Variants in RPTOR observed in about 807,000 individuals in gnomAD.
The protein encoded by RPTOR is regulatory-associated protein of mTOR.
Under a neutral mutation model 169.9 loss-of-function variants are expected in RPTOR, and 21 were observed. The ratio of observed to expected loss-of-function variants is 0.12; its 90% CI spans 0.09 to 0.18. The LOEUF (loss-of-function observed/expected upper bound fraction) is 0.18. RPTOR is among the 10% of genes least tolerant of loss of function. RPTOR has a pLI of 1.00. For synonymous variants in RPTOR, 732 were observed against 753.2 expected, an observed-to-expected ratio of 0.97 and a Z score of 0.46; for missense variants, 1,133 against 1,855.9, an observed-to-expected ratio of 0.61 and a Z score of 7.16.
At chr17:80,685,927 C>G (rs1436735197) in intron 3 of RPTOR, among the ~76,000 whole-genome samples, 3 of 151,808 alleles carry the variant, frequency 2.0e-5, no homozygotes, top group Non-Finnish European at 4.4e-5. Context: ...CCTCAGAGCT[C>G]TTCTGACAGT....
In RPTOR at chr17:80,562,964, T is replaced by C. The variant is rs2084519589; in HGVS notation, c.162+17173T>C. Reference sequence around the variant, plus strand: ...TGCCTTGCTGCCGATGTCCTGAAGATGCTTCATGTTGGCACATGTGGCTTC... The same window carrying C: ...TGCCTTGCTGCCGATGTCCTGAAGACGCTTCATGTTGGCACATGTGGCTTC... On this transcript the variant is annotated intron_variant, in intron 1 of 33. Coordinates refer to ENST00000306801, the MANE Select transcript of RPTOR (RefSeq NM_020761.3). The surrounding 1 kb of genome is among the most constrained non-coding windows in gnomAD (Gnocchi z 4.4). Among the ~76,000 whole-genome samples the C allele has an allele frequency of 6.6e-6, 1 of 152,246 alleles. No homozygotes were observed. The highest frequency in any genetic ancestry group is 1.5e-5 in the Non-Finnish European group (1 of 68,044).
intron 24 of RPTOR, among the ~76,000 whole-genome samples, chr17:80,930,836 T>C (rs2068888965): frequency 1.3e-5 from 2 of 152,190 alleles, no homozygotes; most frequent in Non-Finnish European, 2.9e-5. Context: ...CTCCCACAGC[T>C]GGGGCAGGGA....
chr17:80,717,830 C>G (rs1175306632), intron 4 of RPTOR, among the ~76,000 whole-genome samples: 4 of 152,162 alleles, frequency 2.6e-5, no homozygotes, highest in Admixed American at 2.0e-4. Context: ...TCAGATTTTC[C>G]CCATGCACCG....
Position 80,936,169 on chromosome 17 carries a change from C to T in RPTOR, c.2920-4327C>T, listed in dbSNP as rs1328465538. Among the ~76,000 whole-genome samples the T allele has an allele frequency of 1.3e-5, 2 of 152,214 alleles. No homozygotes were observed. The highest frequency in any genetic ancestry group is 1.5e-5 in the Non-Finnish European group (1 of 68,036). On this transcript the variant is annotated intron_variant, in intron 24 of 33. Coordinates refer to ENST00000306801, the MANE Select transcript of RPTOR (RefSeq NM_020761.3). The surrounding 1 kb of genome is among the most constrained non-coding windows in gnomAD (Gnocchi z 4.1). ...ACCCCTGCAGTGAGATCCCACTACA[C>T]ACCTGTTAGAATGTCTCGAATCTTA... is the stretch of plus-strand genomic sequence containing the variant.
chr17:80,922,798 C>A lies in RPTOR; in HGVS notation c.2595C>A (p.Thr865=). ...CGCAGTCGGCCCCCGCCAGCCCCAC[C>A]AACAAGGGCGTGCACATCCACCAGG... ...SLTQSAPASP[T]NKGVHIHQAG... is the part of the protein sequence containing the mutation. The change falls in exon 22 of 34, where the codon ACC becomes ACA. Residue 865 remains threonine, a synonymous_variant. Coordinates refer to ENST00000306801, the MANE Select transcript of RPTOR (RefSeq NM_020761.3). 2 of 1,585,444 alleles carry A rather than the reference C, an allele frequency of 1.3e-6. No homozygotes were observed. Among genetic ancestry groups the A allele is most frequent in the Non-Finnish European group, 1.7e-6 (2 of 1,170,506 alleles).
At chr17:80,815,862 CCGTCACG>C (rs1357868985) in intron 7 of RPTOR, among the ~76,000 whole-genome samples, 1 of 150,864 alleles carries the variant, frequency 6.6e-6, no homozygotes, top group African/African-American at 2.5e-5. Context: ...GCTGGACAGT[CCGTCACG>C]TGCAGAGCAT....
At chr17:80,589,974 A>G (rs1371841626) in intron 1 of RPTOR, among the ~76,000 whole-genome samples, 1 of 152,218 alleles carries the variant, frequency 6.6e-6, no homozygotes, top group Non-Finnish European at 1.5e-5. Flanking sequence ...TTCTTATCCC[A>G]AAGGGGAACA....
At position 80,571,855 on chromosome 17, in the gene RPTOR, G is replaced by A. The variant is rs779302504; in HGVS notation, c.162+26064G>A. 7.9e-5 allele frequency among the ~76,000 whole-genome samples: 12 copies of A among 152,262 alleles called. No individual in the cohort carries two copies. The East Asian group carries it at 1.2e-3, about 15-fold the overall frequency. ...TTCTTAATGGTTTTCCTACCTGTGC[G>A]TCTCTAAAAGTTGTACTTGCGTTTT... On this transcript the variant is annotated intron_variant, in intron 1 of 33. Coordinates refer to ENST00000306801, the MANE Select transcript of RPTOR (RefSeq NM_020761.3).
At chr17:80,948,292 T>C (rs2069127346) in intron 27 of RPTOR, among the ~76,000 whole-genome samples, 1 of 152,242 alleles carries the variant, frequency 6.6e-6, no homozygotes, top group South Asian at 2.1e-4. Flanking sequence ...GGCGTGGCCA[T>C]GGGGACGTGT....
At chr17:80,902,826 G>A (rs148510105) in intron 20 of RPTOR, among the ~76,000 whole-genome samples, 1 of 152,360 alleles carries the variant, frequency 6.6e-6, no homozygotes, top group African/African-American at 2.4e-5. Flanking sequence ...GGGGGACCAC[G>A]CTGCTGTGTG....
intron 1 of RPTOR, among the ~76,000 whole-genome samples, chr17:80,572,850 A>C (rs2064921997): frequency 6.6e-6 from 1 of 152,146 alleles, no homozygotes; most frequent in Admixed American, 6.5e-5. Flanking sequence ...CTGTTCCTTT[A>C]AAGGTTGGTG....
intron 6 of RPTOR, among the ~76,000 whole-genome samples, chr17:80,757,581 A>T (rs540349258): frequency 2.2e-4 from 34 of 152,206 alleles, no homozygotes; most frequent in Non-Finnish European, 2.8e-4. Flanking sequence ...TTAAAATGAC[A>T]ATTTTTTGTA....
At position 80,836,365 on chromosome 17, in the gene RPTOR, A is replaced by G. The variant is rs551555138; in HGVS notation, c.1137-1557A>G. 7.7e-4 allele frequency among the ~76,000 whole-genome samples: 117 copies of G among 152,294 alleles called. 1 individual carries two copies. Among genetic ancestry groups the G allele is most frequent in the African/African-American group, 2.7e-3 (113 of 41,570 alleles). ...AGCCAATGCATATTGAAAGCCTGCT[A>G]TGTGCCTGGCACTGGGAAAGAAGTT... On this transcript the variant is annotated intron_variant, in intron 9 of 33. Transcript: ENST00000306801.
chr17:80,652,105 G>A (rs2065645184), intron 3 of RPTOR, among the ~76,000 whole-genome samples: 1 of 151,916 alleles, frequency 6.6e-6, no homozygotes, highest in Admixed American at 6.5e-5. Context: ...GGGAGGTGGA[G>A]GTTGTAGTAA....
intron 13 of RPTOR, among the ~76,000 whole-genome samples, chr17:80,869,204 G>T (rs2068025723): frequency 1.3e-5 from 2 of 152,098 alleles, no homozygotes; most frequent in Admixed American, 6.5e-5. Context: ...CTGTCGCCCA[G>T]GCTGGAGCGC....
At chr17:80,557,524 A>G (rs917972554) in intron 1 of RPTOR, among the ~76,000 whole-genome samples, 1 of 124,592 alleles carries the variant, frequency 8.0e-6, no homozygotes, top group Non-Finnish European at 1.8e-5. Flanking sequence ...CTCAAAATAA[A>G]TCAATAACTC....
Position 80,936,708 on chromosome 17 carries a change from A to G in RPTOR, c.2920-3788A>G, listed in dbSNP as rs1283937901. Among the ~76,000 whole-genome samples the G allele has an allele frequency of 1.3e-5, 2 of 152,252 alleles. No homozygotes were observed. Among genetic ancestry groups the G allele is most frequent in the African/African-American group, 2.4e-5 (1 of 41,462 alleles). On this transcript the variant is annotated intron_variant, in intron 24 of 33. Coordinates refer to ENST00000306801, the MANE Select transcript of RPTOR (RefSeq NM_020761.3). This position sits in a 1 kb window ranked among gnomAD's most constrained non-coding sequence, Gnocchi z 4.1. ...ACTCCGCCTGTACCTACAGAGGGCG[A>G]AATTCACTGTACGTAAGTTACATCT...
intron 24 of RPTOR, among the ~76,000 whole-genome samples, chr17:80,938,273 C>A (rs766120310): frequency 3.9e-5 from 6 of 152,240 alleles, no homozygotes; most frequent in South Asian, 4.1e-4. Context: ...TTCTACCCCC[C>A]ACGTCTGGAT....
intron 18 of RPTOR, 96 bp downstream of exon 18, chr17:80,891,933 C>A: frequency 1.3e-6 from 1 of 761,910 alleles, no homozygotes; most frequent in Non-Finnish European, 2.1e-6. Context: ...AGAGTCTAAG[C>A]GCAGGTTTCT....
Sources: gnomAD v4.1 joint callset for allele counts (sites outside exome capture counted in the v4.1 genomes callset) on GRCh38, gnomAD v4.1.1 for gene constraint, Gnocchi (gnomAD v3.1) non-coding constraint, MANE v1.5 for transcripts, NCBI Gene and HGNC (gene_info 2026-07-23, HGNC 2026-07-21) for gene names.